Variants in SOX5 observed in about 807,000 individuals in gnomAD.
The protein encoded by SOX5 is transcription factor SOX-5.
Under a neutral mutation model 92.0 loss-of-function variants are expected in SOX5, and 9 were observed. The ratio of observed to expected loss-of-function variants is 0.10; its 90% confidence interval spans 0.06 to 0.17. The LOEUF (loss-of-function observed/expected upper bound fraction) is 0.17. Among genes scored for constraint, SOX5 ranks in the 10% least tolerant of loss-of-function variants. SOX5 has a pLI of 1.00. For missense variants in SOX5, 642 were observed against 944.5 expected (o/e 0.68, Z 4.20); for synonymous variants, 344 against 336.3 (o/e 1.02, Z -0.25).
Position 24,333,742 on chromosome 12 carries a change from A to T in SOX5, c.-174+34821T>A, listed in dbSNP as rs567217452. Among the ~76,000 whole-genome samples, 7 of 152,048 alleles carry T rather than the reference A, an allele frequency of 4.6e-5. 1 individual carries two copies. The highest frequency in any genetic ancestry group is 1.4e-4 in the African/African-American group (6 of 41,550). ...ATATCAGTAAAAAGACAAAGTTGCC[A>T]GGTTTCAATATTGTTAGTTAACTTT... On this transcript the variant is annotated intron_variant, in intron 2 of 4. Coordinates refer to the SOX5 transcript ENST00000446891.
At chr12:23,745,330 G>A (rs559689559) in intron 4 of SOX5, among the ~76,000 whole-genome samples, 6 of 151,988 alleles carry the variant, frequency 3.9e-5, no homozygotes, top group African/African-American at 7.2e-5. Flanking sequence ...AGAACTTCCT[G>A]TCATCAATTG....
intron 1 of SOX5, among the ~76,000 whole-genome samples, chr12:24,492,203 A>G (rs2137985166): frequency 6.6e-6 from 1 of 152,300 alleles, no homozygotes; most frequent in East Asian, 1.9e-4. Flanking sequence ...TCATAATCCA[A>G]AGTTCAAGGG....
rs979529051 is a variant in SOX5, at chr12:24,154,907, A to G, written c.-2+58436T>C. ...ATTTGGAAAATTAAAAAATTATAAA[A>G]CTTGTCAGAGGATTATAAAAGTAAA... is the stretch of plus-strand genomic sequence containing the variant. On this transcript the variant is annotated intron_variant, in intron 4 of 4. Coordinates refer to the SOX5 transcript ENST00000446891. Among the ~76,000 whole-genome samples the G allele has an allele frequency of 9.2e-5, 14 of 152,234 alleles. No individual in the cohort carries two copies. In the East Asian group the frequency reaches 2.5e-3, roughly 27 times the overall value.
At chr12:24,373,695 T>C (rs1443599179) in intron 1 of SOX5, among the ~76,000 whole-genome samples, 2 of 152,226 alleles carry the variant, frequency 1.3e-5, no homozygotes, top group Admixed American at 6.5e-5. Flanking sequence ...TAGATATCTA[T>C]ATGTAAGTAG....
intron 4 of SOX5, among the ~76,000 whole-genome samples, chr12:24,198,802 C>G (rs1474018884): frequency 6.6e-6 from 1 of 152,184 alleles, no homozygotes; most frequent in Non-Finnish European, 1.5e-5. Flanking sequence ...AGTATGAGGT[C>G]ACTACACTTT....
intron 1 of SOX5, among the ~76,000 whole-genome samples, chr12:24,401,373 T>C (rs549894660): frequency 1.3e-4 from 18 of 138,734 alleles, no homozygotes; most frequent in African/African-American, 3.7e-4. Flanking sequence ...AAAAAAAAAG[T>C]TATTTTTTGT....
chr12:24,076,699 CTTTTTT>C (rs11302877), intron 4 of SOX5, among the ~76,000 whole-genome samples: 3 of 102,882 alleles, frequency 2.9e-5, no homozygotes, highest in African/African-American at 1.1e-4. Context: ...CCAAAGCTGC[CTTTTTT>C]TTTTTTTTTT....
At chr12:24,002,352 T>C (rs1951691854) in intron 4 of SOX5, among the ~76,000 whole-genome samples, 1 of 151,922 alleles carries the variant, frequency 6.6e-6, no homozygotes. Context: ...AAAAAACCTA[T>C]ATTACCAAAT....
At chr12:23,956,456 T>G (rs1175919942) in intron 4 of SOX5, among the ~76,000 whole-genome samples, 1 of 152,092 alleles carries the variant, frequency 6.6e-6, no homozygotes, top group African/African-American at 2.4e-5. Flanking sequence ...TATTGTGAAC[T>G]GTGCATGTGA....
intron 1 of SOX5, among the ~76,000 whole-genome samples, chr12:24,418,106 T>G (rs1311217728): frequency 6.6e-6 from 1 of 152,178 alleles, no homozygotes; most frequent in African/African-American, 2.4e-5. Flanking sequence ...CTTTCCTTTT[T>G]CTTACTCCAA....
intron 4 of SOX5, among the ~76,000 whole-genome samples, chr12:24,170,308 G>A (rs182450438): frequency 1.5e-3 from 229 of 152,322 alleles, no homozygotes; most frequent in Non-Finnish European, 2.8e-3. Flanking sequence ...TGACATTTCT[G>A]CATTAGTCAG....
At chr12:24,000,460 A>C (rs1287068781) in intron 4 of SOX5, among the ~76,000 whole-genome samples, 1 of 152,000 alleles carries the variant, frequency 6.6e-6, no homozygotes, top group Non-Finnish European at 1.5e-5. Flanking sequence ...CTATATTTTA[A>C]AAAAATTAGG....
rs145828899 is a variant in SOX5 at position 24,417,238 on chromosome 12, G to A, written c.-250-48599C>T. On this transcript the variant is annotated intron_variant, in intron 1 of 4. Coordinates refer to the SOX5 transcript ENST00000446891. ...GAGACATCCTGTGAGCTTAAAGACT[G>A]TTATCCAGTGTTACCACAAGAGTCC... 3.7e-4 allele frequency among the ~76,000 whole-genome samples: 57 copies of A among 152,292 alleles called. 1 individual carries two copies. Among genetic ancestry groups the A allele is most frequent in the African/African-American group, 1.3e-3 (53 of 41,556 alleles).
chr12:24,067,200 C>T (rs569599078), intron 4 of SOX5, among the ~76,000 whole-genome samples: 6 of 152,060 alleles, frequency 3.9e-5, no homozygotes, highest in African/African-American at 1.4e-4. Flanking sequence ...TAAGCAGAAG[C>T]CAGGGTGTGT....
chr12:24,156,424 C>A (rs554462274), intron 4 of SOX5, among the ~76,000 whole-genome samples: 5 of 152,136 alleles, frequency 3.3e-5, no homozygotes, highest in Admixed American at 3.3e-4. Context: ...TTCTGGGGAA[C>A]AATAATATAA....
At chr12:24,029,169 T>C (rs12319611) in intron 4 of SOX5, among the ~76,000 whole-genome samples, 7,685 of 152,128 alleles carry the variant, frequency 0.051, 257 homozygotes, top group Middle Eastern at 0.088. Context: ...CTATTGACTG[T>C]AGTTCCTTTT....
At chr12:24,338,064 C>T (rs1952109086) in intron 2 of SOX5, among the ~76,000 whole-genome samples, 1 of 152,062 alleles carries the variant, frequency 6.6e-6, no homozygotes, top group Non-Finnish European at 1.5e-5. Flanking sequence ...TTCCCTTTCT[C>T]TGGTTTTTGA....
At chr12:23,785,660 T>C (rs1212238340) in intron 3 of SOX5, among the ~76,000 whole-genome samples, 1 of 152,046 alleles carries the variant, frequency 6.6e-6, no homozygotes. Flanking sequence ...TGGACAATAA[T>C]GTTGAATAAT....
At chr12:23,917,449 T>C (rs2097428751) in intron 1 of SOX5, among the ~76,000 whole-genome samples, 1 of 152,026 alleles carries the variant, frequency 6.6e-6, no homozygotes, top group South Asian at 2.1e-4. Flanking sequence ...GCTACTCTGG[T>C]GGCTGAGGCA....
Sources: allele counts gnomAD v4.1 joint callset (sites outside exome capture counted in the v4.1 genomes callset), GRCh38; gene constraint gnomAD v4.1.1; transcripts MANE v1.5; gene names NCBI Gene and HGNC (gene_info 2026-07-23, HGNC 2026-07-21).